The following PHF3 variants were observed in gnomAD, a reference collection of about 807,000 sequenced individuals.
PHF3 encodes the protein PHD finger protein 3.
Under a neutral mutation model 178.4 loss-of-function variants are expected in PHF3, and 41 were observed. The observed-to-expected ratio is 0.23, with a 90% CI of 0.18 to 0.30. The LOEUF is 0.30. PHF3 is among the 10% of genes least tolerant of loss of function. The pLI, the probability that PHF3 is intolerant of heterozygous loss-of-function variation, is 1.00. For missense variants in PHF3, 2,346 were observed against 2,398.1 expected (o/e 0.98, Z 0.45); for synonymous variants, 842 against 800.5 (o/e 1.05, Z -0.88).
intron 4 of PHF3, among the ~76,000 whole-genome samples, chr6:63,687,124 A>T (rs2149586453): frequency 6.6e-6 from 1 of 152,246 alleles, no homozygotes; most frequent in African/African-American, 2.4e-5. Flanking sequence ...TTTTTATTTA[A>T]AACACCTTAC....
intron 2 of PHF3, among the ~76,000 whole-genome samples, chr6:63,653,020 T>C (rs916314480): frequency 8.6e-6 from 1 of 115,736 alleles, no homozygotes; most frequent in Non-Finnish European, 1.7e-5. Context: ...TGTTGGCTAG[T>C]TTTTTTTTTT....
Position 63,719,962 on chromosome 6 carries a change from C to T in PHF3, c.*6254C>T, listed in dbSNP as rs1052263946. The T allele has an allele frequency of 3.9e-5, 6 of 151,986 alleles. No homozygotes were observed. Among genetic ancestry groups the T allele is most frequent in the African/African-American group, 1.4e-4 (6 of 41,416 alleles). 9.4% of individuals were successfully genotyped at this position (151,986 alleles called of 1,614,324 possible). On this transcript the variant is annotated 3_prime_UTR_variant, in exon 16 of 16. Transcript: ENST00000262043. ...TTTTAAGTTGCACATATTGTAATAT[C>T]TATTGATGTCTTACTATAAAAGATA...
chr6:63,717,067 T>A lies in PHF3; in HGVS notation c.*3359T>A, dbSNP rs542442278. 6.6e-6 allele frequency among the ~76,000 whole-genome samples: 1 copy of A among 152,076 alleles called. No individual in the cohort carries two copies. Among genetic ancestry groups the A allele is most frequent in the Non-Finnish European group, 1.5e-5 (1 of 67,994 alleles). On this transcript the variant is annotated 3_prime_UTR_variant, in exon 16 of 16. Coordinates refer to ENST00000262043, the MANE Select transcript of PHF3 (RefSeq NM_001370348.2). ...TGTGGGTGAATTAATCTGAAATCTT[T>A]ATAGAATAGCTAAGGCTATAGTAAA...
chr6:63,709,779 T>C (rs1470300946), intron 14 of PHF3, among the ~76,000 whole-genome samples: 1 of 152,188 alleles, frequency 6.6e-6, no homozygotes, highest in Admixed American at 6.5e-5. Flanking sequence ...GGCTGGGAAA[T>C]GTAATCTTTA....
At chr6:63,672,651 T>G (rs1214799306) in intron 2 of PHF3, among the ~76,000 whole-genome samples, 1 of 152,240 alleles carries the variant, frequency 6.6e-6, no homozygotes, top group African/African-American at 2.4e-5. Context: ...ATAGGATATC[T>G]ACTGTTAAAG....
intron 3 of PHF3, among the ~76,000 whole-genome samples, chr6:63,680,956 T>G (rs1490775375): frequency 6.6e-6 from 1 of 151,996 alleles, no homozygotes; most frequent in Non-Finnish European, 1.5e-5. Context: ...CTGGATTCAA[T>G]TTTTTTATTT....
intron 2 of PHF3, among the ~76,000 whole-genome samples, chr6:63,678,308 T>C (rs965528614): frequency 6.6e-6 from 1 of 152,062 alleles, no homozygotes; most frequent in African/African-American, 2.4e-5. Flanking sequence ...GCAACCAATA[T>C]TCCATCATGG....
chr6:63,691,851 ATGT>A lies in PHF3; in HGVS notation c.2308_2310del (p.Cys770del), dbSNP rs769412598. The stretch of plus-strand genomic sequence containing the variant: ...AAGACAAAGAATATGTCTGTGTAAA[ATGT>A]TGTGCTGAAGAAGACAAAAAGACTG... On this transcript the variant is annotated inframe_deletion, in exon 5 of 16. Transcript: ENST00000262043. The A allele has an allele frequency of 9.9e-6, 16 of 1,613,730 alleles. No homozygotes were observed. The highest frequency in any genetic ancestry group is 1.7e-5 in the Admixed American group (1 of 59,974).
chr6:63,645,005 C>G (rs1018068750), intron 1 of PHF3, among the ~76,000 whole-genome samples: 1 of 151,880 alleles, frequency 6.6e-6, no homozygotes, highest in South Asian at 2.1e-4. Context: ...CTCAGCCGCC[C>G]GAGTGACTGG....
chr6:63,657,206 A>G (rs929853177), intron 2 of PHF3, among the ~76,000 whole-genome samples: 2 of 152,314 alleles, frequency 1.3e-5, no homozygotes, highest in South Asian at 4.1e-4. Context: ...TCATTTTGAC[A>G]AATATTTTAC....
intron 1 of PHF3, among the ~76,000 whole-genome samples, chr6:63,644,960 A>C (rs1277252685): frequency 6.6e-6 from 1 of 151,022 alleles, no homozygotes; most frequent in Non-Finnish European, 1.5e-5. Flanking sequence ...ATTTCGCTGC[A>C]ACCTCCACTT....
Position 63,721,149 on chromosome 6 carries a change from C to G in PHF3, c.*7441C>G, listed in dbSNP as rs777069512. On this transcript the variant is annotated 3_prime_UTR_variant, in exon 16 of 16. Transcript: ENST00000262043. ...ATCAATGTATTTAATGTAAGAATTA[C>G]CCATAAATTTTGCAGTTGAAAATGA... 1.1e-5 allele frequency: 17 copies of G among 1,551,320 alleles called. No individual in the cohort carries two copies. Among genetic ancestry groups the G allele is most frequent in the East Asian group, 2.4e-5 (1 of 40,926 alleles).
In PHF3 at chr6:63,706,812, C is replaced by T. The variant is rs755313781; in HGVS notation, c.3647C>T (p.Pro1216Leu). 1.9e-6 allele frequency: 3 copies of T among 1,614,004 alleles called. No homozygotes were observed. The highest frequency in any genetic ancestry group is 1.3e-5 in the African/African-American group (1 of 75,030). ...ATCTGGAAAGGTTTTATCAACATGC[C>T]TTCTGTGGCAAAATTTGTTACCAAA... Reference protein sequence around the residue: ...NFIWKGFINMPSVAKFVTKAY... With the variant: ...NFIWKGFINMLSVAKFVTKAY... The change falls in exon 13 of 16, where the codon CCT becomes CTT. Residue 1216 changes from proline (P) to leucine (L), a missense_variant. Physicochemically the swap from Pro to Leu is moderately conservative, Grantham distance 98. Transcript: ENST00000262043.
chr6:63,678,519 C>G (rs747783683), intron 2 of PHF3, among the ~76,000 whole-genome samples: 3 of 151,110 alleles, frequency 2.0e-5, no homozygotes, highest in Non-Finnish European at 4.4e-5. Context: ...ATATTCTTAT[C>G]TGTTTATGGA....
In PHF3 at chr6:63,673,286, A is replaced by AT. The variant is rs1017595795; in HGVS notation, c.245-6708dup. Among the ~76,000 whole-genome samples the AT allele has an allele frequency of 3.2e-4, 48 of 152,110 alleles. 1 individual carries two copies. The highest frequency in any genetic ancestry group is 1.5e-5 in the Non-Finnish European group (1 of 68,004). On this transcript the variant is annotated intron_variant, in intron 2 of 15. Transcript: ENST00000262043. ...AAAAGATACAGATATCTGCTTAAGTATTTTTTGTTTTTAAATAAAATTTTC... is the reference window on the plus strand; with the variant it reads ...AAAAGATACAGATATCTGCTTAAGTATTTTTTTGTTTTTAAATAAAATTTTC...
At position 63,717,187 on chromosome 6, in the gene PHF3, AAAACT is replaced by A. The variant is rs1768217063; in HGVS notation, c.*3481_*3485del. 6.6e-6 allele frequency among the ~76,000 whole-genome samples: 1 copy of A among 152,126 alleles called. No homozygotes were observed. The highest frequency in any genetic ancestry group is 2.4e-5 in the African/African-American group (1 of 41,454). ...TCCATGTTAACGTGTGTGTTAACAT[AAAACT>A]ACCCGTCAACAGGTAACTTTACTCT... On this transcript the variant is annotated 3_prime_UTR_variant, in exon 16 of 16. Coordinates refer to ENST00000262043, the MANE Select transcript of PHF3 (RefSeq NM_001370348.2).
chr6:63,663,583 A>G (rs1238278519), intron 2 of PHF3, among the ~76,000 whole-genome samples: 1 of 152,186 alleles, frequency 6.6e-6, no homozygotes, highest in African/African-American at 2.4e-5. Flanking sequence ...CTCTGTTGCC[A>G]TCATGGATTT....
intron 2 of PHF3, among the ~76,000 whole-genome samples, chr6:63,671,522 T>A (rs547116146): frequency 6.6e-6 from 1 of 152,300 alleles, no homozygotes; most frequent in South Asian, 2.1e-4. Context: ...AGGGAAGGCC[T>A]CTCTCAAACA....
At chr6:63,637,148 A>G (rs1432398338) in intron 1 of PHF3, among the ~76,000 whole-genome samples, 2 of 152,192 alleles carry the variant, frequency 1.3e-5, no homozygotes, top group Admixed American at 6.5e-5. Context: ...AAAAAGAATA[A>G]TCGATTATTG....
Sources: allele counts gnomAD v4.1 joint callset (sites outside exome capture counted in the v4.1 genomes callset), GRCh38; gene constraint gnomAD v4.1.1; transcripts MANE v1.5; gene names NCBI Gene and HGNC (gene_info 2026-07-23, HGNC 2026-07-21).